The following BDNF variants were observed in gnomAD, a reference collection of about 807,000 sequenced individuals.
BDNF encodes brain derived neurotrophic factor.
Under a neutral mutation model 19.5 loss-of-function variants are expected in BDNF, and 1 was observed. The ratio of observed to expected loss-of-function variants is 0.05; its 90% CI spans 0.02 to 0.24. The LOEUF (loss-of-function observed/expected upper bound fraction) is 0.24. Ranked by LOEUF, BDNF falls within the 10% of genes least tolerant of loss-of-function variation. The pLI is 1.00. For missense variants in BDNF, 195 were observed against 317.6 expected (o/e 0.61, Z 2.93); for synonymous variants, 100 against 121.6 (o/e 0.82, Z 1.17).
upstream of BDNF, chr11:27,701,343 G>A (rs1169511708): frequency 9.2e-7 from 1 of 1,084,498 alleles, no homozygotes. Context: ...CAGCTGCTCC[G>A]GGAAAGACTT....
At chr11:27,659,715 A>G (rs1853152599) in intron 1 of BDNF, 1 of 981,010 alleles carries the variant, frequency 1.0e-6, no homozygotes, top group Non-Finnish European at 1.2e-6. Flanking sequence ...TGTTTTACAC[A>G]TTTTGGAATA....
chr11:27,660,945 G>T (rs1225943835), intron 1 of BDNF, among the ~76,000 whole-genome samples: 1 of 151,954 alleles, frequency 6.6e-6, no homozygotes, highest in Non-Finnish European at 1.5e-5. Context: ...TCTATACTTG[G>T]CTTCTAGTTT....
rs533377590 is a variant in BDNF, at chr11:27,699,330, G to A, written c.-22+834C>T. 6 of 1,609,650 alleles carry A rather than the reference G, an allele frequency of 3.7e-6. No homozygotes were observed. In the East Asian group the frequency reaches 1.3e-4, roughly 36 times the overall value. On this transcript the variant is annotated intron_variant, in intron 1 of 1. Transcript: ENST00000356660. ...AATCTCCCCTTCTTCTTGCCCGTCA[G>A]GCACAGAGCCCCCAATCCTCAGCTA...
chr11:27,658,330 G>C lies in BDNF; in HGVS notation c.235C>G (p.Pro79Ala). Residue 79 changes from proline (P) to alanine (A), a missense_variant, in exon 2 of 2, where the codon CCC (proline) becomes GCC (alanine). By Grantham distance (27) the Pro-to-Ala change is conservative. Around this residue, in one of 2 missense-constraint regions of BDNF, gnomAD observed 124 missense variants for 155.0 expected, o/e 0.80. Coordinates refer to ENST00000356660, the MANE Select transcript of BDNF (RefSeq NM_001709.5). The surrounding 1 kb of genome is among the most constrained non-coding windows in gnomAD (Gnocchi z 5.7). ...ELLDEDQKVR[P>A]NEENNKDADL... ...GCGTCCTTATTGTTTTCTTCATTGG[G>C]CCGAACTTTCTGGTCCTCATCCAAC... is the stretch of plus-strand genomic sequence containing the variant. 2 of 1,614,108 alleles carry C rather than the reference G, an allele frequency of 1.2e-6. No individual in the cohort carries two copies. The highest frequency in any genetic ancestry group is 2.2e-5 in the South Asian group (2 of 91,076).
At chr11:27,662,688 G>A (rs542859979) in intron 1 of BDNF, among the ~76,000 whole-genome samples, 3 of 152,332 alleles carry the variant, frequency 2.0e-5, no homozygotes, top group African/African-American at 7.2e-5. Flanking sequence ...TGCATGTGCA[G>A]TTCACAACAG....
At chr11:27,673,415 G>A (rs10767660) in intron 1 of BDNF, among the ~76,000 whole-genome samples, 151,808 of 152,336 alleles carry the variant, frequency 1, 75,642 homozygotes, top group Middle Eastern at 1. Flanking sequence ...ATTTTTACAA[G>A]AGAGAGAAAG....
chr11:27,670,857 C>G (rs1415680323), intron 1 of BDNF, among the ~76,000 whole-genome samples: 1 of 152,170 alleles, frequency 6.6e-6, no homozygotes, highest in African/African-American at 2.4e-5. Flanking sequence ...GGCGATTCCT[C>G]TAGGATCTAG....
At chr11:27,703,902 A>G (rs1860008688), upstream of BDNF, among the ~76,000 whole-genome samples, 1 of 152,244 alleles carries the variant, frequency 6.6e-6, no homozygotes, top group Non-Finnish European at 1.5e-5. Flanking sequence ...TACATCTTAC[A>G]TTCAAAAACA....
chr11:27,677,185 C>G (rs2133935377), intron 1 of BDNF: 1 of 152,336 alleles, frequency 6.6e-6, no homozygotes, highest in Non-Finnish European at 1.5e-5. Context: ...CTCACACACT[C>G]TGTTTGATGA....
chr11:27,705,690 T>C (rs919719579), intron 1 of BDNF, among the ~76,000 whole-genome samples: 25 of 152,160 alleles, frequency 1.6e-4, no homozygotes, highest in Non-Finnish European at 1.8e-4. Flanking sequence ...AAATCCTTAA[T>C]AGTGCATGGT....
chr11:27,691,214 A>G (rs758633158), intron 1 of BDNF: 6 of 152,214 alleles, frequency 3.9e-5, no homozygotes, highest in Non-Finnish European at 4.4e-5. Context: ...GAAATAACTC[A>G]GAGAACTTGC....
At position 27,658,458 on chromosome 11, in the gene BDNF, C is replaced by T. The variant is rs1037807065; in HGVS notation, c.107G>A (p.Gly36Asp). 1.2e-6 allele frequency: 2 copies of T among 1,614,154 alleles called. No individual in the cohort carries two copies. The highest frequency in any genetic ancestry group is 2.2e-5 in the South Asian group (2 of 91,076). Residue 36 changes from glycine (G) to aspartate (D), a missense_variant, in exon 2 of 2, where the codon GGT becomes GAT. Physicochemically the swap from Gly to Asp is moderately conservative, Grantham distance 94. Transcript: ENST00000356660. This position sits in a 1 kb window ranked among gnomAD's most constrained non-coding sequence, Gnocchi z 5.7. ...CTCCAGAGTCCCATGGGTCCGCACACCTGGGTAGGCCAAGCCACCTTGTCC... is the reference window on the plus strand; with the variant it reads ...CTCCAGAGTCCCATGGGTCCGCACATCTGGGTAGGCCAAGCCACCTTGTCC... ...IRGQGGLAYP[G>D]VRTHGTLESV...
chr11:27,702,192 A>G (rs939659585), upstream of BDNF, among the ~76,000 whole-genome samples: 2 of 152,238 alleles, frequency 1.3e-5, no homozygotes, highest in Non-Finnish European at 2.9e-5. Context: ...AATTTAGAAT[A>G]AAGAATAAGA....
At chr11:27,679,146 C>T (rs534601694) in intron 1 of BDNF, among the ~76,000 whole-genome samples, 77 of 152,310 alleles carry the variant, frequency 5.1e-4, no homozygotes, top group Admixed American at 1.6e-3. Context: ...GGGTGTCATG[C>T]ACTCCTGGAC....
chr11:27,667,122 TA>T (rs1367188958), intron 1 of BDNF, among the ~76,000 whole-genome samples: 1 of 152,124 alleles, frequency 6.6e-6, no homozygotes, highest in Admixed American at 6.5e-5. Flanking sequence ...TCAACATTCT[TA>T]AAGAAAAGAA....
At chr11:27,717,702 C>G (rs1860567576) in intron 1 of BDNF, among the ~76,000 whole-genome samples, 1 of 152,198 alleles carries the variant, frequency 6.6e-6, no homozygotes. Flanking sequence ...ACCTTCTAGT[C>G]TTCTGACTGA....
chr11:27,721,344 T>G, intron 1 of BDNF: 2 of 1,573,410 alleles, frequency 1.3e-6, no homozygotes, highest in Non-Finnish European at 1.7e-6. Context: ...GGAAGAGCCG[T>G]GATATGCCCG....
chr11:27,701,282 A>T (rs78240726), upstream of BDNF: 2 of 1,132,076 alleles, frequency 1.8e-6, no homozygotes, highest in African/African-American at 3.2e-5. Flanking sequence ...AGAGAAAGAA[A>T]GAAAACAAAC....
chr11:27,710,417 C>T (rs1860276613), intron 1 of BDNF, among the ~76,000 whole-genome samples: 1 of 152,226 alleles, frequency 6.6e-6, no homozygotes, highest in South Asian at 2.1e-4. Flanking sequence ...GTTTCTAGAG[C>T]TAGTATCCAG....
Sources: gnomAD v4.1 joint callset for allele counts (sites outside exome capture counted in the v4.1 genomes callset) on GRCh38, gnomAD v4.1.1 for gene constraint, gnomAD v4.1.1 regional missense constraint, Gnocchi (gnomAD v3.1) non-coding constraint, MANE v1.5 for transcripts, NCBI Gene and HGNC (gene_info 2026-07-23, HGNC 2026-07-21) for gene names.